RAB40B: variants seen among roughly 807,000 people sequenced by gnomAD.
RAB40B encodes RAB40B, member RAS oncogene family, also known as ras-related protein Rab-40B.
A neutral mutation model predicts 24.0 loss-of-function variants in RAB40B; 21 were observed. That is an observed-to-expected ratio of 0.88 (90% CI 0.62 to 1.26). RAB40B has a LOEUF of 1.26. Among genes scored for constraint, RAB40B ranks in the 50% most tolerant of loss-of-function variants. RAB40B has a pLI of 0.00. For synonymous variants in RAB40B, 167 were observed against 169.8 expected (o/e 0.98, Z 0.13); for missense variants, 348 against 390.5 (o/e 0.89, Z 0.92).
At chr17:82,669,999 A>G (rs1056356773) in intron 1 of RAB40B, among the ~76,000 whole-genome samples, 1 of 152,196 alleles carries the variant, frequency 6.6e-6, no homozygotes, top group East Asian at 1.9e-4. Context: ...TTGGGAATCT[A>G]TTTTCGAATG....
intron 1 of RAB40B, among the ~76,000 whole-genome samples, chr17:82,673,163 A>C (rs911893747): frequency 6.6e-6 from 1 of 152,172 alleles, no homozygotes; most frequent in African/African-American, 2.4e-5. Context: ...GAGATCGTGC[A>C]ACTGCACTCC....
intron 1 of RAB40B, among the ~76,000 whole-genome samples, chr17:82,674,795 C>T (rs1272567497): frequency 6.6e-6 from 1 of 152,148 alleles, no homozygotes; most frequent in African/African-American, 2.4e-5. Flanking sequence ...CCAGCTTCCT[C>T]ACCAGGTGGG....
At chr17:82,673,996 T>C (rs2046366943) in intron 1 of RAB40B, among the ~76,000 whole-genome samples, 1 of 152,234 alleles carries the variant, frequency 6.6e-6, no homozygotes, top group East Asian at 1.9e-4. Context: ...TTGTTTTCAA[T>C]GTCCAAGATC....
chr17:82,668,805 G>C (rs1165294148), intron 1 of RAB40B, among the ~76,000 whole-genome samples: 1 of 152,252 alleles, frequency 6.6e-6, no homozygotes, highest in Non-Finnish European at 1.5e-5. Context: ...GGCACGCAGG[G>C]AAGGCGGAGC....
chr17:82,662,803 C>G (rs2046191149), intron 2 of RAB40B: 2 of 985,394 alleles, frequency 2.0e-6, no homozygotes, highest in Non-Finnish European at 2.4e-6. Context: ...CAGCTGGGGT[C>G]AGGGAGGCGT....
intron 2 of RAB40B, 70 bp downstream of exon 2, chr17:82,664,426 G>C: frequency 6.7e-7 from 1 of 1,497,250 alleles, no homozygotes; most frequent in Non-Finnish European, 9.2e-7. Flanking sequence ...TGTGCTGACA[G>C]GGGGTGCTAT....
intron 5 of RAB40B, 67 bp downstream of exon 5, chr17:82,658,423 AG>A: frequency 6.5e-7 from 1 of 1,536,670 alleles, no homozygotes; most frequent in Non-Finnish European, 8.9e-7. Context: ...ACACTTATCC[AG>A]GGGGCCGCTG....
intron 1 of RAB40B, among the ~76,000 whole-genome samples, chr17:82,680,930 T>G (rs2046442402): frequency 7.1e-6 from 1 of 140,524 alleles, no homozygotes; most frequent in Non-Finnish European, 1.5e-5. Flanking sequence ...CTCAGGAGGC[T>G]GAGGCAGGAG....
intron 1 of RAB40B, among the ~76,000 whole-genome samples, chr17:82,686,591 C>T (rs143657485): frequency 4.6e-5 from 7 of 152,290 alleles, no homozygotes; most frequent in East Asian, 1.9e-4. Context: ...GGCCACAGAA[C>T]GCCGAGGGCT....
At chr17:82,672,329 A>G (rs2046349874) in intron 1 of RAB40B, among the ~76,000 whole-genome samples, 1 of 121,358 alleles carries the variant, frequency 8.2e-6, no homozygotes, top group African/African-American at 3.1e-5. Flanking sequence ...CCACCCCTGT[A>G]ACTCTAACAC....
At chr17:82,686,104 C>CT (rs35256137) in intron 1 of RAB40B, among the ~76,000 whole-genome samples, 32,597 of 123,202 alleles carry the variant, frequency 0.26, 4,289 homozygotes, top group Middle Eastern at 0.35. Flanking sequence ...ACCCAGCCTT[C>CT]TTTTTTTTTT....
At chr17:82,696,032 G>A (rs994159374) in intron 1 of RAB40B, among the ~76,000 whole-genome samples, 1 of 151,606 alleles carries the variant, frequency 6.6e-6, no homozygotes, top group Non-Finnish European at 1.5e-5. Flanking sequence ...ACCATGCTCG[G>A]CTAATTTTTG....
At chr17:82,687,122 A>G (rs2244323) in intron 1 of RAB40B, among the ~76,000 whole-genome samples, 127,938 of 151,730 alleles carry the variant, frequency 0.84, 55,964 homozygotes, top group Non-Finnish European at 0.95. Flanking sequence ...GCTGGCCTCT[A>G]TGTCTCTCCA....
chr17:82,694,072 G>T (rs1340701081), intron 1 of RAB40B, among the ~76,000 whole-genome samples: 1 of 136,094 alleles, frequency 7.3e-6, no homozygotes, highest in Non-Finnish European at 1.5e-5. Context: ...AACAGAGCGA[G>T]ACTCCATCTC....
intron 1 of RAB40B, among the ~76,000 whole-genome samples, chr17:82,665,112 A>T (rs1274297211): frequency 6.6e-6 from 1 of 152,200 alleles, no homozygotes; most frequent in Non-Finnish European, 1.5e-5. Flanking sequence ...TGAACCACGC[A>T]TGTGCAGGGA....
chr17:82,695,255 G>T (rs2046597129), intron 1 of RAB40B, among the ~76,000 whole-genome samples: 2 of 149,954 alleles, frequency 1.3e-5, no homozygotes, highest in East Asian at 3.9e-4. Flanking sequence ...GCAATGGTGT[G>T]ATCTCAGCTC....
At chr17:82,662,915 C>T (rs2046192637) in intron 2 of RAB40B, among the ~76,000 whole-genome samples, 1 of 152,028 alleles carries the variant, frequency 6.6e-6, no homozygotes, top group African/African-American at 2.4e-5. Flanking sequence ...CAGGGGCAGG[C>T]GTGGGGCCGA....
At chr17:82,686,564 G>A (rs2046504269) in intron 1 of RAB40B, among the ~76,000 whole-genome samples, 1 of 152,182 alleles carries the variant, frequency 6.6e-6, no homozygotes, top group Non-Finnish European at 1.5e-5. Context: ...AGCAGGGACT[G>A]GAACGGTGCT....
intron 2 of RAB40B, chr17:82,661,288 G>T: frequency 7.7e-7 from 1 of 1,291,412 alleles, no homozygotes; most frequent in Non-Finnish European, 9.8e-7. Flanking sequence ...AAATAGTGAC[G>T]GTTTTAACAT....
Sources: allele counts gnomAD v4.1 joint callset (sites outside exome capture counted in the v4.1 genomes callset), GRCh38; gene constraint gnomAD v4.1.1; transcripts MANE v1.5; gene names NCBI Gene and HGNC (gene_info 2026-07-23, HGNC 2026-07-21).